LRRC4C: variants seen among roughly 807,000 people sequenced by gnomAD.
The protein encoded by LRRC4C is leucine-rich repeat-containing protein 4C.
Under a neutral mutation model 33.6 loss-of-function variants are expected in LRRC4C, and 5 were observed. The observed-to-expected ratio is 0.15, with a 90% CI of 0.08 to 0.31. The LOEUF is 0.31. Among genes scored for constraint, LRRC4C ranks in the 10% least tolerant of loss-of-function variants. The pLI is 1.00. For synonymous variants in LRRC4C, 329 were observed against 302.0 expected, an observed-to-expected ratio of 1.09 and a Z score of -0.93; for missense variants, 560 against 796.7, an observed-to-expected ratio of 0.70 and a Z score of 3.58.
chr11:40,594,412 A>C (rs1959178592), intron 3 of LRRC4C, among the ~76,000 whole-genome samples: 1 of 152,226 alleles, frequency 6.6e-6, no homozygotes, highest in African/African-American at 2.4e-5. Flanking sequence ...AATATCTGCC[A>C]AGCTTTCATT....
chr11:41,268,617 A>G (rs1755744705), intron 1 of LRRC4C, among the ~76,000 whole-genome samples: 2 of 152,134 alleles, frequency 1.3e-5, no homozygotes, highest in South Asian at 4.1e-4. Flanking sequence ...TTGAACTCTT[A>G]TAATCCCTTT....
intron 1 of LRRC4C, among the ~76,000 whole-genome samples, chr11:41,002,706 T>G (rs2137405793): frequency 6.6e-6 from 1 of 152,286 alleles, no homozygotes; most frequent in East Asian, 1.9e-4. Context: ...GGATAAGTGA[T>G]TTATGTTCAA....
intron 2 of LRRC4C, among the ~76,000 whole-genome samples, chr11:40,865,891 A>G (rs1281901515): frequency 6.6e-6 from 1 of 151,966 alleles, no homozygotes; most frequent in African/African-American, 2.4e-5. Flanking sequence ...TAACATAAGC[A>G]CTTTTCCCGA....
At chr11:40,696,553 T>C (rs1945544145) in intron 2 of LRRC4C, among the ~76,000 whole-genome samples, 1 of 149,112 alleles carries the variant, frequency 6.7e-6, no homozygotes, top group Non-Finnish European at 1.5e-5. Context: ...TTTCTTTTTA[T>C]TGACTCCCAT....
chr11:41,337,120 C>CT (rs1213022950), intron 1 of LRRC4C, among the ~76,000 whole-genome samples: 1 of 152,066 alleles, frequency 6.6e-6, no homozygotes, highest in Non-Finnish European at 1.5e-5. Flanking sequence ...TCACCACTCA[C>CT]TGAAGCCTCC....
intron 2 of LRRC4C, among the ~76,000 whole-genome samples, chr11:40,890,668 T>C (rs567051677): frequency 3.4e-4 from 51 of 152,156 alleles, no homozygotes; most frequent in Non-Finnish European, 4.6e-4. Context: ...TAGCTGAACA[T>C]GGAGAGAAAA....
intron 3 of LRRC4C, among the ~76,000 whole-genome samples, chr11:40,454,786 C>T (rs1307016961): frequency 6.6e-6 from 1 of 152,082 alleles, no homozygotes; most frequent in Non-Finnish European, 1.5e-5. Context: ...TTTTCAGACA[C>T]CTTTATGGGT....
chr11:40,797,605 T>A (rs753920403), intron 2 of LRRC4C, among the ~76,000 whole-genome samples: 1 of 152,130 alleles, frequency 6.6e-6, no homozygotes, highest in Non-Finnish European at 1.5e-5. Flanking sequence ...TTCTCAGGAC[T>A]CAAAAATCTC....
chr11:41,158,631 G>A (rs1208935459), intron 1 of LRRC4C, among the ~76,000 whole-genome samples: 1 of 152,046 alleles, frequency 6.6e-6, no homozygotes, highest in Non-Finnish European at 1.5e-5. Context: ...GGACCACAAA[G>A]TTCACCCCAA....
chr11:40,946,496 T>C (rs1958407487), intron 1 of LRRC4C, among the ~76,000 whole-genome samples: 1 of 152,210 alleles, frequency 6.6e-6, no homozygotes, highest in Non-Finnish European at 1.5e-5. Context: ...TTTAAGTTCT[T>C]TGAGAAGTCT....
At chr11:40,201,258 G>A (rs1024221207) in intron 5 of LRRC4C, among the ~76,000 whole-genome samples, 3 of 152,074 alleles carry the variant, frequency 2.0e-5, no homozygotes, top group African/African-American at 7.2e-5. Context: ...TTAGAGTTTC[G>A]TTTGCAAATG....
chr11:40,431,327 A>G (rs566160509), intron 3 of LRRC4C, among the ~76,000 whole-genome samples: 111 of 147,320 alleles, frequency 7.5e-4, no homozygotes, highest in Admixed American at 1.4e-3. Context: ...CTCAGGAGGC[A>G]GAGGTTGCAG....
chr11:40,664,248 G>C (rs929049351), intron 2 of LRRC4C, among the ~76,000 whole-genome samples: 1 of 152,040 alleles, frequency 6.6e-6, no homozygotes, highest in African/African-American at 2.4e-5. Context: ...AAAAGTTAAA[G>C]AAAAAGAGAA....
At chr11:41,176,052 T>C (rs1945184453) in intron 1 of LRRC4C, among the ~76,000 whole-genome samples, 1 of 152,166 alleles carries the variant, frequency 6.6e-6, no homozygotes, top group Non-Finnish European at 1.5e-5. Flanking sequence ...TTACTGCACC[T>C]TTAACTGTCC....
At position 40,224,523 on chromosome 11, in the gene LRRC4C, G is replaced by T. The variant is rs563419187; in HGVS notation, c.-96+16996C>A. ...CATAGCCCAAAGATCACAATCTTTA[G>T]ACTCAAGATAAACCATATTCTTAGT... On this transcript the variant is annotated intron_variant, in intron 5 of 6. Coordinates refer to ENST00000528697, the MANE Select transcript of LRRC4C (RefSeq NM_001258419.2). Among the ~76,000 whole-genome samples, 9 of 152,312 alleles carry T rather than the reference G, an allele frequency of 5.9e-5. No individual in the cohort carries two copies. In the South Asian group the frequency reaches 1.9e-3, roughly 32 times the overall value.
intron 5 of LRRC4C, among the ~76,000 whole-genome samples, chr11:40,175,164 T>C (rs568600936): frequency 2.0e-5 from 3 of 152,352 alleles, no homozygotes; most frequent in East Asian, 1.9e-4. Context: ...GGTTGCATAA[T>C]AGATTTGATT....
intron 3 of LRRC4C, among the ~76,000 whole-genome samples, chr11:40,495,980 C>A (rs1230649125): frequency 6.6e-6 from 1 of 151,826 alleles, no homozygotes; most frequent in Non-Finnish European, 1.5e-5. Context: ...CAGGCAAGTG[C>A]CACCACGCCC....
intron 2 of LRRC4C, among the ~76,000 whole-genome samples, chr11:40,746,019 G>T (rs1948399072): frequency 6.6e-6 from 1 of 152,134 alleles, no homozygotes; most frequent in Non-Finnish European, 1.5e-5. Flanking sequence ...AGCCAAGAGA[G>T]AACACTGGAA....
At chr11:40,318,508 T>TC (rs1945685438) in intron 4 of LRRC4C, among the ~76,000 whole-genome samples, 1 of 152,180 alleles carries the variant, frequency 6.6e-6, no homozygotes, top group Non-Finnish European at 1.5e-5. Context: ...TTGGCTTGGT[T>TC]CACAGTCTTG....
Sources: gnomAD v4.1 joint callset for allele counts (sites outside exome capture counted in the v4.1 genomes callset) on GRCh38, gnomAD v4.1.1 for gene constraint, MANE v1.5 for transcripts, NCBI Gene and HGNC (gene_info 2026-07-23, HGNC 2026-07-21) for gene names.